The following IGSF21 variants were observed in gnomAD, a reference collection of about 807,000 sequenced individuals.
IGSF21 encodes immunoglobin superfamily member 21, also known as immunoglobulin superfamily member 21.
IGSF21 carries 28 observed loss-of-function variants against 46.8 expected under a neutral mutation model. The ratio of observed to expected loss-of-function variants is 0.60; its 90% CI spans 0.44 to 0.82. The LOEUF (loss-of-function observed/expected upper bound fraction) is 0.82, where lower values mean the gene tolerates loss of function less well. Among genes scored for constraint, IGSF21 ranks in the 40% least tolerant of loss-of-function variants. IGSF21 has a pLI of 0.00. For synonymous variants in IGSF21, 284 were observed against 273.6 expected (o/e 1.04, Z -0.38); for missense variants, 624 against 665.5 (o/e 0.94, Z 0.69).
intron 4 of IGSF21, among the ~76,000 whole-genome samples, chr1:18,345,907 C>A (rs572694709): frequency 6.6e-6 from 1 of 152,366 alleles, no homozygotes; most frequent in East Asian, 1.9e-4. Flanking sequence ...TATGCTCCCC[C>A]ACCTCTCACT....
chr1:18,117,659 C>G (rs1029670128), intron 1 of IGSF21, among the ~76,000 whole-genome samples: 17 of 152,144 alleles, frequency 1.1e-4, no homozygotes, highest in Non-Finnish European at 1.6e-4. Flanking sequence ...GTTTGGCTCC[C>G]CACCATGTGG....
At chr1:18,266,249 A>G (rs767045770) in intron 2 of IGSF21, among the ~76,000 whole-genome samples, 2 of 152,198 alleles carry the variant, frequency 1.3e-5, no homozygotes, top group African/African-American at 2.4e-5. Context: ...CAGAGAGGCT[A>G]GGTAACTTGT....
intron 1 of IGSF21, among the ~76,000 whole-genome samples, chr1:18,224,504 T>C (rs1032828794): frequency 2.0e-5 from 3 of 152,196 alleles, no homozygotes; most frequent in Non-Finnish European, 4.4e-5. Context: ...TTATCACCAC[T>C]GGACATATTT....
intron 2 of IGSF21, among the ~76,000 whole-genome samples, chr1:18,232,468 G>T (rs928202297): frequency 6.6e-6 from 1 of 152,086 alleles, no homozygotes; most frequent in African/African-American, 2.4e-5. Flanking sequence ...CTTTACATAC[G>T]TGATGACATT....
At chr1:18,188,967 G>A (rs1384129170) in intron 1 of IGSF21, among the ~76,000 whole-genome samples, 2 of 152,204 alleles carry the variant, frequency 1.3e-5, no homozygotes, top group Non-Finnish European at 2.9e-5. Flanking sequence ...GGGGTGAGGA[G>A]TGAGGATCCT....
chr1:18,185,105 A>G (rs951974047), intron 1 of IGSF21, among the ~76,000 whole-genome samples: 12 of 152,220 alleles, frequency 7.9e-5, no homozygotes, highest in African/African-American at 2.7e-4. Flanking sequence ...AGTCATTCAG[A>G]GAGGTGAGGT....
At chr1:18,180,011 C>T (rs1388675383) in intron 1 of IGSF21, among the ~76,000 whole-genome samples, 3 of 152,156 alleles carry the variant, frequency 2.0e-5, no homozygotes, top group Admixed American at 6.5e-5. Flanking sequence ...ATTTGAGTGA[C>T]TCGCTCTCCC....
At chr1:18,364,472 GC>G (rs2124632197) in intron 5 of IGSF21, among the ~76,000 whole-genome samples, 1 of 146,248 alleles carries the variant, frequency 6.8e-6, no homozygotes, top group Non-Finnish European at 1.5e-5. Flanking sequence ...CCAGAGAGCT[GC>G]ATCCCACTCT....
At chr1:18,212,012 C>G (rs78000429) in intron 1 of IGSF21, among the ~76,000 whole-genome samples, 14,198 of 152,278 alleles carry the variant, frequency 0.093, 812 homozygotes, top group East Asian at 0.15. Context: ...CTCACAGCTT[C>G]CCAGCAATGT....
At chr1:18,172,522 T>G (rs1311415189) in intron 1 of IGSF21, among the ~76,000 whole-genome samples, 1 of 152,176 alleles carries the variant, frequency 6.6e-6, no homozygotes, top group African/African-American at 2.4e-5. Flanking sequence ...CCTCCTGACT[T>G]GTAGATGGCC....
At chr1:18,300,946 G>C (rs1012560042) in intron 3 of IGSF21, among the ~76,000 whole-genome samples, 7 of 152,142 alleles carry the variant, frequency 4.6e-5, no homozygotes, top group African/African-American at 1.7e-4. Context: ...TTCATCTCTG[G>C]GTCCTCCATG....
At chr1:18,200,759 AC>A (rs1188347945) in intron 1 of IGSF21, among the ~76,000 whole-genome samples, 5 of 152,160 alleles carry the variant, frequency 3.3e-5, no homozygotes, top group African/African-American at 9.7e-5. Context: ...CTACAATGCT[AC>A]CTTTTGGCTA....
intron 1 of IGSF21, among the ~76,000 whole-genome samples, chr1:18,148,624 G>T (rs1291287421): frequency 6.6e-6 from 1 of 152,144 alleles, no homozygotes; most frequent in Non-Finnish European, 1.5e-5. Flanking sequence ...CAGCAGCCAG[G>T]TCTCTTTTGT....
chr1:18,165,050 C>A (rs111775876), intron 1 of IGSF21, among the ~76,000 whole-genome samples: 1 of 151,794 alleles, frequency 6.6e-6, no homozygotes, highest in Non-Finnish European at 1.5e-5. Flanking sequence ...CATGTCCCTA[C>A]GAAGGATATG....
chr1:18,256,599 G>C (rs1037884568), intron 2 of IGSF21, among the ~76,000 whole-genome samples: 4 of 152,126 alleles, frequency 2.6e-5, no homozygotes, highest in African/African-American at 9.7e-5. Flanking sequence ...GTTTCCCAAG[G>C]GGGAAGGAAA....
chr1:18,150,014 G>A (rs186388338), intron 1 of IGSF21, among the ~76,000 whole-genome samples: 291 of 152,284 alleles, frequency 1.9e-3, no homozygotes, highest in South Asian at 6.2e-3. Flanking sequence ...AGCACTTTGG[G>A]AGGCCGAGGC....
intron 1 of IGSF21, chr1:18,111,304 A>AT (rs2124397842): frequency 6.6e-6 from 1 of 152,252 alleles, no homozygotes; most frequent in African/African-American, 2.4e-5. Flanking sequence ...CTTCCACCCC[A>AT]TAACCGCTCT....
chr1:18,269,390 T>G (rs1350626755), intron 2 of IGSF21, among the ~76,000 whole-genome samples: 1 of 152,106 alleles, frequency 6.6e-6, no homozygotes, highest in Non-Finnish European at 1.5e-5. Context: ...TGGATGCAAG[T>G]GTTTGGGGAG....
intron 1 of IGSF21, among the ~76,000 whole-genome samples, chr1:18,154,860 G>A (rs1430810628): frequency 1.3e-5 from 2 of 151,316 alleles, no homozygotes; most frequent in South Asian, 2.1e-4. Flanking sequence ...TAGAGGAGGG[G>A]TTCCTTGGAG....
Sources: gnomAD v4.1 joint callset for allele counts (sites outside exome capture counted in the v4.1 genomes callset) on GRCh38, gnomAD v4.1.1 for gene constraint, MANE v1.5 for transcripts, NCBI Gene and HGNC (gene_info 2026-07-23, HGNC 2026-07-21) for gene names.